The following FAM193A variants were observed in gnomAD, a reference collection of about 807,000 sequenced individuals.
FAM193A encodes the protein family with sequence similarity 193 member A.
Under a neutral mutation model 126.5 loss-of-function variants are expected in FAM193A, and 22 were observed. That is an observed-to-expected ratio of 0.17 (90% CI 0.12 to 0.25). FAM193A has a LOEUF of 0.25. Among genes scored for constraint, FAM193A ranks in the 10% least tolerant of loss-of-function variants. The pLI is 1.00. For missense variants in FAM193A, 1,675 were observed against 1,672.8 expected, an observed-to-expected ratio of 1.00 and a Z score of -0.02; for synonymous variants, 761 against 646.8, an observed-to-expected ratio of 1.18 and a Z score of -2.68.
At chr4:2,710,053 TTG>T (rs1718735113) in intron 19 of FAM193A, among the ~76,000 whole-genome samples, 1 of 152,168 alleles carries the variant, frequency 6.6e-6, no homozygotes, top group African/African-American at 2.4e-5. Flanking sequence ...ATTTCTTAGT[TTG>T]TGTATTTTTC....
chr4:2,557,769 G>A (rs1738346649), intron 1 of FAM193A, among the ~76,000 whole-genome samples: 1 of 151,892 alleles, frequency 6.6e-6, no homozygotes. Context: ...TGGCTAACAT[G>A]GTGAAACACT....
At chr4:2,651,699 T>C (rs1209364683) in intron 7 of FAM193A, among the ~76,000 whole-genome samples, 1 of 152,172 alleles carries the variant, frequency 6.6e-6, no homozygotes, top group African/African-American at 2.4e-5. Flanking sequence ...CAGGTTGACA[T>C]GACGTCACGG....
At chr4:2,664,491 A>G (rs1365696975) in intron 12 of FAM193A, among the ~76,000 whole-genome samples, 1 of 150,368 alleles carries the variant, frequency 6.7e-6, no homozygotes. Context: ...CTTTATGGTA[A>G]GTTTAGGAAA....
At chr4:2,662,601 G>GTT (rs954686719) in intron 10 of FAM193A, among the ~76,000 whole-genome samples, 9 of 152,098 alleles carry the variant, frequency 5.9e-5, no homozygotes, top group Admixed American at 4.6e-4. Flanking sequence ...ACTTTTGGAG[G>GTT]TTTTTCTGTT....
chr4:2,639,665 C>A, intron 5 of FAM193A, 70 bp from the exon 6 acceptor site: 1 of 1,321,262 alleles, frequency 7.6e-7, no homozygotes, highest in Non-Finnish European at 1.1e-6. Context: ...GGAGGGAATC[C>A]CTCTGGGAAT....
intron 13 of FAM193A, among the ~76,000 whole-genome samples, chr4:2,679,468 C>T (rs887165028): frequency 1.3e-5 from 2 of 149,778 alleles, no homozygotes; most frequent in South Asian, 2.1e-4. Flanking sequence ...CAACCTCTGC[C>T]TCCCGGGTTC....
chr4:2,653,378 C>T (rs1745861102), intron 7 of FAM193A, among the ~76,000 whole-genome samples: 1 of 152,156 alleles, frequency 6.6e-6, no homozygotes, highest in Non-Finnish European at 1.5e-5. Context: ...TTTAAAATTG[C>T]ATGTTACATT....
chr4:2,709,633 C>T (rs752307182), intron 19 of FAM193A, among the ~76,000 whole-genome samples: 14 of 152,060 alleles, frequency 9.2e-5, no homozygotes, highest in Non-Finnish European at 1.3e-4. Context: ...AGCTTGAACC[C>T]GGGAGGTGGA....
chr4:2,715,433 A>G (rs1167199786), intron 19 of FAM193A: 1 of 877,568 alleles, frequency 1.1e-6, no homozygotes, highest in African/African-American at 1.8e-5. Flanking sequence ...TGGGTGACAG[A>G]ATGAGACTTC....
At chr4:2,636,492 C>G (rs1018428804) in intron 5 of FAM193A, among the ~76,000 whole-genome samples, 1 of 152,168 alleles carries the variant, frequency 6.6e-6, no homozygotes, top group East Asian at 1.9e-4. Flanking sequence ...TTACCCTACT[C>G]TGTTCCGTTA....
At chr4:2,615,116 T>A (rs1742103669) in intron 2 of FAM193A, 1 of 152,308 alleles carries the variant, frequency 6.6e-6, no homozygotes. Context: ...TGTATTTATT[T>A]ATTTTTTTTA....
At chr4:2,710,107 GT>G (rs1234092608) in intron 19 of FAM193A, among the ~76,000 whole-genome samples, 1 of 137,810 alleles carries the variant, frequency 7.3e-6, no homozygotes, top group East Asian at 2.2e-4. Flanking sequence ...TATGTATTTT[GT>G]TAGTTTTTTA....
intron 7 of FAM193A, among the ~76,000 whole-genome samples, chr4:2,653,491 T>C (rs930007236): frequency 2.0e-5 from 3 of 152,190 alleles, no homozygotes; most frequent in African/African-American, 4.8e-5. Context: ...GTCACCAGGC[T>C]GGAGTGCAGT....
chr4:2,665,296 A>G (rs1292319718), intron 12 of FAM193A, among the ~76,000 whole-genome samples: 1 of 152,048 alleles, frequency 6.6e-6, no homozygotes, highest in African/African-American at 2.4e-5. Flanking sequence ...ATTTTTTTAT[A>G]TTGGTCTTGT....
At chr4:2,608,369 G>A (rs150652841) in intron 2 of FAM193A, among the ~76,000 whole-genome samples, 4,553 of 152,032 alleles carry the variant, frequency 0.03, 238 homozygotes, top group African/African-American at 0.1. Context: ...AATATAGACG[G>A]GGTTTTGCCA....
intron 13 of FAM193A, among the ~76,000 whole-genome samples, chr4:2,688,598 C>T (rs1454447479): frequency 6.6e-6 from 1 of 152,178 alleles, no homozygotes; most frequent in East Asian, 1.9e-4. Context: ...TGGAACTTTG[C>T]AGGCCAGAGC....
chr4:2,603,162 A>G (rs893984582), intron 2 of FAM193A, among the ~76,000 whole-genome samples: 12 of 146,116 alleles, frequency 8.2e-5, no homozygotes, highest in South Asian at 4.2e-4. Flanking sequence ...ATATGTATAT[A>G]TATATATTTT....
intron 13 of FAM193A, among the ~76,000 whole-genome samples, chr4:2,679,294 C>G (rs143525027): frequency 1.3e-4 from 19 of 151,424 alleles, no homozygotes; most frequent in African/African-American, 4.4e-4. Context: ...TTTTAATATG[C>G]TGCTGAATTC....
chr4:2,666,943 G>A (rs1484252901), intron 12 of FAM193A, among the ~76,000 whole-genome samples: 1 of 152,152 alleles, frequency 6.6e-6, no homozygotes, highest in African/African-American at 2.4e-5. Context: ...CTGTGTCATT[G>A]GTTTCCATTC....
Sources: allele counts gnomAD v4.1 joint callset (sites outside exome capture counted in the v4.1 genomes callset), GRCh38; gene constraint gnomAD v4.1.1; transcripts MANE v1.5; gene names NCBI Gene and HGNC (gene_info 2026-07-23, HGNC 2026-07-21).